LIN28B: variants seen among roughly 807,000 people sequenced by gnomAD.
LIN28B encodes the protein protein lin-28 homolog B.
LIN28B carries 5 observed loss-of-function variants against 21.9 expected under a neutral mutation model. The ratio of observed to expected loss-of-function variants is 0.23; its 90% CI spans 0.12 to 0.48. The LOEUF (loss-of-function observed/expected upper bound fraction) is 0.48. LIN28B is among the 20% of genes least tolerant of loss of function. LIN28B has a pLI of 0.98. For missense variants in LIN28B, 245 were observed against 310.5 expected, an observed-to-expected ratio of 0.79 and a Z score of 1.58; for synonymous variants, 109 against 111.3, an observed-to-expected ratio of 0.98 and a Z score of 0.13.
intron 2 of LIN28B, among the ~76,000 whole-genome samples, chr6:104,979,983 G>T (rs1198172804): frequency 6.6e-6 from 1 of 152,074 alleles, no homozygotes; most frequent in Non-Finnish European, 1.5e-5. Flanking sequence ...CAGAATTATA[G>T]CAATATGTCT....
At chr6:105,063,051 A>ATC in intron 3 of LIN28B, among the ~76,000 whole-genome samples, 1 of 152,188 alleles carries the variant, frequency 6.6e-6, no homozygotes, top group East Asian at 1.9e-4. Flanking sequence ...TTGCATGATG[A>ATC]CATCCTGTAG....
chr6:105,023,585 T>TATATATTTTATATATTTTATATATATA (rs1771213465), intron 2 of LIN28B, among the ~76,000 whole-genome samples: 1 of 24,380 alleles, frequency 4.1e-5, no homozygotes, highest in African/African-American at 1.4e-4. Flanking sequence ...TAATATATAT[T>TATATATTTTATATATTTTATATATATA]ATATATATTA....
upstream of LIN28B, among the ~76,000 whole-genome samples, chr6:104,956,062 T>C (rs1294262095): frequency 2.0e-5 from 3 of 152,160 alleles, no homozygotes; most frequent in African/African-American, 7.2e-5. Flanking sequence ...AGTGGACTTT[T>C]AAAATGTCAG....
intron 3 of LIN28B, among the ~76,000 whole-genome samples, chr6:105,049,570 T>G (rs1161699528): frequency 6.6e-6 from 1 of 152,140 alleles, no homozygotes; most frequent in Non-Finnish European, 1.5e-5. Context: ...TAACTTTCTG[T>G]CTCGTTGATC....
intron 3 of LIN28B, among the ~76,000 whole-genome samples, chr6:105,072,678 A>G (rs1255520662): frequency 6.6e-6 from 1 of 152,228 alleles, no homozygotes. Context: ...AAATTTAAGT[A>G]TGGAAAACAT....
chr6:104,997,825 A>G (rs1246483221), intron 2 of LIN28B, among the ~76,000 whole-genome samples: 1 of 152,192 alleles, frequency 6.6e-6, no homozygotes, highest in African/African-American at 2.4e-5. Flanking sequence ...TAGCATCCCC[A>G]TTAGTGTTGG....
At chr6:104,941,750 A>C (rs9500001) in intron 2 of LIN28B, among the ~76,000 whole-genome samples, 3,485 of 152,338 alleles carry the variant, frequency 0.023, 146 homozygotes, top group African/African-American at 0.08. Context: ...TTGTTTTTGA[A>C]AAGGAAAAAC....
At position 104,948,265 on chromosome 6, in the gene LIN28B, G is replaced by A. The variant is rs577963727; in HGVS notation, c.19-2196G>A. Reference sequence around the variant, plus strand: ...GGGTGGATCACAAGGTCAGGAGTTCGAGGCCAGCCTGGCCAACATAGTGAA... The same window carrying A: ...GGGTGGATCACAAGGTCAGGAGTTCAAGGCCAGCCTGGCCAACATAGTGAA... On this transcript the variant is annotated intron_variant, in intron 2 of 5. Transcript: ENST00000635857. Among the ~76,000 whole-genome samples, 101 of 151,962 alleles carry A rather than the reference G, an allele frequency of 6.6e-4. 1 individual carries two copies. Among genetic ancestry groups the A allele is most frequent in the African/African-American group, 2.1e-3 (85 of 41,452 alleles).
intron 3 of LIN28B, among the ~76,000 whole-genome samples, chr6:105,054,359 C>T (rs779118583): frequency 6.6e-6 from 1 of 152,162 alleles, no homozygotes; most frequent in Non-Finnish European, 1.5e-5. Flanking sequence ...TTCCATTCAC[C>T]ACCACCCTGG....
chr6:105,066,033 C>T (rs1161895141), intron 3 of LIN28B, among the ~76,000 whole-genome samples: 4 of 152,052 alleles, frequency 2.6e-5, no homozygotes, highest in African/African-American at 9.7e-5. Flanking sequence ...TTAGCCAAGG[C>T]ATGGCGGCAC....
upstream of LIN28B, chr6:104,956,972 A>C (rs534726616): frequency 2.3e-5 from 18 of 778,852 alleles, no homozygotes; most frequent in African/African-American, 2.7e-4. Flanking sequence ...AGCATAGATG[A>C]AATGGCGATT....
chr6:105,050,608 CAAAAA>C (rs61464567), intron 3 of LIN28B, among the ~76,000 whole-genome samples: 42 of 47,606 alleles, frequency 8.8e-4, no homozygotes, highest in Admixed American at 3.8e-3. Context: ...GACTCCGTCT[CAAAAA>C]AAAAAAAAAA....
At chr6:104,988,273 A>G (rs554067187) in intron 2 of LIN28B, among the ~76,000 whole-genome samples, 48 of 152,250 alleles carry the variant, frequency 3.2e-4, no homozygotes, top group African/African-American at 9.4e-4. Flanking sequence ...TGTTTTATCA[A>G]ATGCCTTTTC....
In LIN28B at chr6:105,081,102, A is replaced by ACATAAC. The variant is rs1213838965; in HGVS notation, c.*2320_*2325dup. On this transcript the variant is annotated 3_prime_UTR_variant, in exon 4 of 4. Coordinates refer to ENST00000345080, the MANE Select transcript of LIN28B (RefSeq NM_001004317.4). ...TTTATATGAGAATATTATCACTATT[A>ACATAAC]CATAACATACTCAGGACAAAGAACT... 1 of 152,646 alleles carries ACATAAC rather than the reference A, an allele frequency of 6.6e-6. No individual in the cohort carries two copies. Among genetic ancestry groups the ACATAAC allele is most frequent in the Non-Finnish European group, 1.5e-5 (1 of 68,046 alleles). 9.5% of individuals were successfully genotyped at this position (152,646 alleles called of 1,614,324 possible).
chr6:104,992,514 G>GTGTT (rs1221284024), intron 2 of LIN28B, among the ~76,000 whole-genome samples: 12,712 of 139,322 alleles, frequency 0.091, 650 homozygotes, highest in East Asian at 0.22. Flanking sequence ...GTGTGTGTGT[G>GTGTT]TTTTTTTTTT....
intron 3 of LIN28B, among the ~76,000 whole-genome samples, chr6:105,054,021 G>C (rs144361453): frequency 1.5e-4 from 22 of 146,668 alleles, no homozygotes; most frequent in Non-Finnish European, 3.0e-4. Context: ...TGGGATTACA[G>C]GCGTGAGACA....
intron 2 of LIN28B, among the ~76,000 whole-genome samples, chr6:105,001,703 T>C (rs1028712658): frequency 6.6e-6 from 1 of 152,056 alleles, no homozygotes; most frequent in South Asian, 2.1e-4. Flanking sequence ...TATGGGGAAA[T>C]GTGCTAATGA....
rs922994220 is a variant in LIN28B at position 105,024,253 on chromosome 6, A to G, written c.199-2045A>G. Among the ~76,000 whole-genome samples, 20 of 152,212 alleles carry G rather than the reference A, an allele frequency of 1.3e-4. 1 individual carries two copies. The highest frequency in any genetic ancestry group is 3.9e-4 in the African/African-American group (16 of 41,542). Reference sequence around the variant, plus strand: ...GTGATCTGCCCGCCTTGGCCTCCCAAAGTGCTGGGATTACAGGTGTGAGCT... The same window carrying G: ...GTGATCTGCCCGCCTTGGCCTCCCAGAGTGCTGGGATTACAGGTGTGAGCT... On this transcript the variant is annotated intron_variant, in intron 2 of 3. Coordinates refer to ENST00000345080, the MANE Select transcript of LIN28B (RefSeq NM_001004317.4).
intron 2 of LIN28B, among the ~76,000 whole-genome samples, chr6:104,961,151 T>C (rs1292420402): frequency 6.6e-6 from 1 of 152,236 alleles, no homozygotes; most frequent in African/African-American, 2.4e-5. Context: ...CCCATGTTAA[T>C]TGTGAAACAT....
Sources: allele counts gnomAD v4.1 joint callset (sites outside exome capture counted in the v4.1 genomes callset), GRCh38; gene constraint gnomAD v4.1.1; transcripts MANE v1.5; gene names NCBI Gene and HGNC (gene_info 2026-07-23, HGNC 2026-07-21).